SYN3: variants seen among roughly 807,000 people sequenced by gnomAD.
SYN3 encodes the protein synapsin-3.
SYN3 carries 35 observed loss-of-function variants against 65.8 expected under a neutral mutation model. That is an observed-to-expected ratio of 0.53 (90% CI 0.41 to 0.70). The LOEUF is 0.70. SYN3 is among the 30% of genes least tolerant of loss of function. SYN3 has a pLI of 0.00. For synonymous variants in SYN3, 270 were observed against 292.9 expected, an observed-to-expected ratio of 0.92 and a Z score of 0.80; for missense variants, 680 against 749.0, an observed-to-expected ratio of 0.91 and a Z score of 1.08.
chr22:32,981,219 A>G (rs1311312512), intron 2 of SYN3, among the ~76,000 whole-genome samples: 1 of 151,686 alleles, frequency 6.6e-6, no homozygotes, highest in Non-Finnish European at 1.5e-5. Flanking sequence ...TTGGAGGCTC[A>G]AGTTCTAGTT....
At chr22:33,024,793 T>C (rs1168215042) in intron 1 of SYN3, among the ~76,000 whole-genome samples, 1 of 152,188 alleles carries the variant, frequency 6.6e-6, no homozygotes, top group Non-Finnish European at 1.5e-5. Flanking sequence ...CATAAGCTGC[T>C]TAGAAAGACA....
At chr22:33,014,600 G>T (rs964629773) in intron 1 of SYN3, 1 of 152,300 alleles carries the variant, frequency 6.6e-6, no homozygotes. Context: ...GACCAACATG[G>T]AGAAACCCCG....
At chr22:32,931,090 T>C (rs557560924) in intron 4 of SYN3, 4 of 249,386 alleles carry the variant, frequency 1.6e-5, no homozygotes, top group African/African-American at 2.2e-5. Context: ...ATGCTGCAGA[T>C]GAGAAGTAGA....
intron 6 of SYN3, among the ~76,000 whole-genome samples, chr22:32,616,170 C>T (rs888331082): frequency 3.9e-5 from 6 of 152,128 alleles, no homozygotes; most frequent in Non-Finnish European, 7.4e-5. Context: ...GTGCAGAGTT[C>T]GCAGGGCCTG....
chr22:32,575,152 C>T (rs1259441157), intron 7 of SYN3, among the ~76,000 whole-genome samples: 3 of 152,174 alleles, frequency 2.0e-5, no homozygotes, highest in African/African-American at 7.2e-5. Context: ...TTTTTTCATT[C>T]AGAACAGCTC....
At chr22:32,823,157 C>T (rs2047301676) in intron 6 of SYN3, among the ~76,000 whole-genome samples, 1 of 152,164 alleles carries the variant, frequency 6.6e-6, no homozygotes, top group South Asian at 2.1e-4. Context: ...GTGACCCTTG[C>T]TTTTGGGTCT....
chr22:32,897,700 CT>C (rs1490663683), intron 4 of SYN3, among the ~76,000 whole-genome samples: 2 of 152,164 alleles, frequency 1.3e-5, no homozygotes, highest in African/African-American at 4.8e-5. Flanking sequence ...TAGCGCTTAC[CT>C]CACAGAGTTG....
chr22:32,833,844 A>G (rs242076), intron 6 of SYN3: 293,059 of 501,066 alleles, frequency 0.58, 86,646 homozygotes, highest in Admixed American at 0.7. Context: ...AGCATTTAGC[A>G]CTGATCATGC....
intron 1 of SYN3, among the ~76,000 whole-genome samples, chr22:33,045,305 T>C (rs961636386): frequency 1.3e-5 from 2 of 151,996 alleles, no homozygotes; most frequent in Non-Finnish European, 1.5e-5. Flanking sequence ...CTGCTTAGAG[T>C]AAATCTCCTC....
intron 1 of SYN3, among the ~76,000 whole-genome samples, chr22:33,048,914 T>C (rs1210863705): frequency 6.6e-6 from 1 of 152,190 alleles, no homozygotes; most frequent in Non-Finnish European, 1.5e-5. Flanking sequence ...CCTAGAGATT[T>C]GACAGTTACC....
chr22:32,871,424 A>T (rs1001099373), intron 4 of SYN3, among the ~76,000 whole-genome samples: 6 of 152,146 alleles, frequency 3.9e-5, no homozygotes, highest in African/African-American at 1.4e-4. Flanking sequence ...CATTGTCTTT[A>T]CGGATTTGGA....
At chr22:32,690,972 G>A (rs982018017) in intron 6 of SYN3, among the ~76,000 whole-genome samples, 2 of 152,186 alleles carry the variant, frequency 1.3e-5, no homozygotes, top group East Asian at 3.9e-4. Flanking sequence ...ACAGGATGGG[G>A]AGGCTGTGGG....
intron 6 of SYN3, among the ~76,000 whole-genome samples, chr22:32,617,340 C>A (rs764132219): frequency 3.3e-5 from 5 of 151,946 alleles, no homozygotes; most frequent in Non-Finnish European, 2.9e-5. Context: ...GGGTTTGGAG[C>A]GGGGATGGGT....
intron 7 of SYN3, among the ~76,000 whole-genome samples, chr22:32,586,123 T>TAC (rs2059037802): frequency 6.6e-6 from 1 of 150,698 alleles, no homozygotes; most frequent in African/African-American, 2.4e-5. Context: ...TGTATATATG[T>TAC]ATATGTATGT....
rs114963072 is a variant in SYN3, at chr22:32,792,852, G to T, written c.711+72063C>A. Among the ~76,000 whole-genome samples the T allele has an allele frequency of 4.9e-3, 739 of 152,276 alleles. 6 individuals are homozygous for T. Among genetic ancestry groups the T allele is most frequent in the African/African-American group, 0.016 (682 of 41,548 alleles). ...GCTGCAAATGCCCCAATGAACGTGT[G>T]GGCACATTGACTTTGAAGTCTTCAG... On this transcript the variant is annotated intron_variant, in intron 6 of 13. Transcript: ENST00000358763.
intron 3 of SYN3, among the ~76,000 whole-genome samples, chr22:32,957,771 C>A (rs2051511962): frequency 6.6e-6 from 1 of 152,196 alleles, no homozygotes; most frequent in Admixed American, 6.5e-5. Flanking sequence ...AGCCCAAGGG[C>A]CACTTTGCTC....
chr22:32,567,320 T>TCCTCCCTA (rs1240793401), intron 7 of SYN3, among the ~76,000 whole-genome samples: 2,397 of 121,596 alleles, frequency 0.02, 91 homozygotes, highest in East Asian at 0.14. Flanking sequence ...ATGACGGAGA[T>TCCTCCCTA]CCTCCCTCCC....
In SYN3 at chr22:32,777,059, A is replaced by T. The variant is rs543490264; in HGVS notation, c.711+87856T>A. Among the ~76,000 whole-genome samples the T allele has an allele frequency of 4.7e-4, 72 of 152,210 alleles. 1 individual carries two copies. Among genetic ancestry groups the T allele is most frequent in the African/African-American group, 1.7e-3 (70 of 41,564 alleles). Reference sequence around the variant, plus strand: ...TCCAGCCTTGTACCAGCTCATCAGCACCTCCTCCCGACCTGCCCTTCTCCG... The same window carrying T: ...TCCAGCCTTGTACCAGCTCATCAGCTCCTCCTCCCGACCTGCCCTTCTCCG... On this transcript the variant is annotated intron_variant, in intron 6 of 13. Transcript: ENST00000358763.
chr22:32,659,958 T>C (rs1199035129), intron 6 of SYN3, among the ~76,000 whole-genome samples: 1 of 152,190 alleles, frequency 6.6e-6, no homozygotes, highest in East Asian at 1.9e-4. Flanking sequence ...TTCCAGAATC[T>C]TTACTTCCGA....
Sources: allele counts gnomAD v4.1 joint callset (sites outside exome capture counted in the v4.1 genomes callset), GRCh38; gene constraint gnomAD v4.1.1; transcripts MANE v1.5; gene names NCBI Gene and HGNC (gene_info 2026-07-23, HGNC 2026-07-21).